The following PCNX4 variants were observed in gnomAD, a reference collection of about 807,000 sequenced individuals.
The protein encoded by PCNX4 is pecanex-like protein 4.
Under a neutral mutation model 107.2 loss-of-function variants are expected in PCNX4, and 103 were observed. That is an observed-to-expected ratio of 0.96 (90% confidence interval 0.82 to 1.13). PCNX4 has a LOEUF of 1.13. Among genes scored for constraint, PCNX4 ranks in the 50% most tolerant of loss-of-function variants. The pLI is 0.00. For synonymous variants in PCNX4, 541 were observed against 481.7 expected, an observed-to-expected ratio of 1.12 and a Z score of -1.61; for missense variants, 1,528 against 1,379.4, an observed-to-expected ratio of 1.11 and a Z score of -1.71.
intron 7 of PCNX4, 41 bp from the exon 8 acceptor site, chr14:60,121,155 G>GTT: frequency 6.9e-7 from 1 of 1,442,096 alleles, no homozygotes; most frequent in Non-Finnish European, 9.2e-7. Flanking sequence ...GTTTGAAAAT[G>GTT]ATTTTCTTTT....
chr14:60,141,333 TAAAC>T lies in PCNX4; in HGVS notation c.*7116_*7119del. ...ATGAAACTGCAAATAGAAAAATACATAAACAAAAAACTGGTTCTTCAAAAAACAA... is the reference window on the plus strand; with the variant it reads ...ATGAAACTGCAAATAGAAAAATACATAAAAAACTGGTTCTTCAAAAAACAA... On this transcript the variant is annotated 3_prime_UTR_variant, in exon 11 of 11. Coordinates refer to ENST00000406854, the MANE Select transcript of PCNX4 (RefSeq NM_001330177.2). The T allele has an allele frequency of 6.6e-6, 1 of 151,746 alleles. No individual in the cohort carries two copies. The highest frequency in any genetic ancestry group is 2.1e-4 in the South Asian group (1 of 4,814). The allele number at this position is 151,746 out of a possible 1,614,324, so 9.4% of individuals were successfully genotyped here.
rs533163146 is a variant in PCNX4 at position 60,146,673 on chromosome 14, G to A, written c.*12452G>A. 7.3e-6 allele frequency: 1 copy of A among 136,640 alleles called. No homozygotes were observed. The highest frequency in any genetic ancestry group is 2.2e-4 in the East Asian group (1 of 4,622). The allele number at this position is 136,640 out of a possible 1,614,324, so 8.5% of individuals were successfully genotyped here. A position where few individuals can be genotyped will look rare whatever the true frequency, so the allele number is the denominator to read the frequency against. On this transcript the variant is annotated 3_prime_UTR_variant, in exon 11 of 11. Transcript: ENST00000406854. The surrounding 1 kb of genome is among the most constrained non-coding windows in gnomAD (Gnocchi z 4.9). Reference sequence around the variant, plus strand: ...GAATGAATGGATAAAGAAAATGTGTGTGTGTGTCTGTGTGTGTATATATAT... The same window carrying A: ...GAATGAATGGATAAAGAAAATGTGTATGTGTGTCTGTGTGTGTATATATAT...
Position 60,115,718 on chromosome 14 carries a change from G to T in PCNX4, c.1358-1G>T, listed in dbSNP as rs78464868. On this transcript the variant is annotated splice_acceptor_variant, in intron 4 of 10. Coordinates refer to ENST00000406854, the MANE Select transcript of PCNX4 (RefSeq NM_001330177.2). LOFTEE classifies it high-confidence loss of function. Reference sequence around the variant, plus strand: ...ATTTCTCTCTTTTTGTTTTGTTTTAGTATCACCTTTTGCCATGATAGCATT... The same window carrying T: ...ATTTCTCTCTTTTTGTTTTGTTTTATTATCACCTTTTGCCATGATAGCATT... 3.1e-5 allele frequency: 50 copies of T among 1,609,202 alleles called. No individual in the cohort carries two copies. In the African/African-American group the frequency reaches 5.6e-4, roughly 18 times the overall value.
At chr14:60,094,587 C>G (rs1286197152) in intron 1 of PCNX4, among the ~76,000 whole-genome samples, 3 of 152,120 alleles carry the variant, frequency 2.0e-5, no homozygotes, top group Non-Finnish European at 2.9e-5. Flanking sequence ...AACAAAGGGC[C>G]AAACCACCTG....
rs778459754 is a variant in PCNX4, at chr14:60,108,169, C to G, written c.531C>G (p.Phe177Leu). The G allele has an allele frequency of 1.1e-5, 18 of 1,612,730 alleles. No individual in the cohort carries two copies. In the East Asian group the frequency reaches 4.0e-4, roughly 36 times the overall value. ...GTACAGGAGGCACTGCTCTACTATT[C>G]TTCTTTGGATGGATGACACTATGTA... ...YGSTGGTALL[F>L]FFGWMTLCIA... Residue 177 changes from phenylalanine (F) to leucine (L), a missense_variant, in exon 2 of 11, where the codon TTC becomes TTG. Coordinates refer to ENST00000406854, the MANE Select transcript of PCNX4 (RefSeq NM_001330177.2).
At chr14:60,097,235 A>G (rs922923891) in intron 1 of PCNX4, among the ~76,000 whole-genome samples, 11 of 152,158 alleles carry the variant, frequency 7.2e-5, no homozygotes, top group African/African-American at 2.4e-4. Context: ...CCTTCACCCC[A>G]TGTCTAGTGA....
rs1360942501 is a variant in PCNX4 at position 60,121,419 on chromosome 14, A to G, written c.2046+120A>G. 3 of 1,040,308 alleles carry G rather than the reference A, an allele frequency of 2.9e-6. No individual in the cohort carries two copies. The African/African-American group carries it at 4.9e-5, about 17-fold the overall frequency. 64.4% of individuals were successfully genotyped at this position (1,040,308 alleles called of 1,614,324 possible). Reference sequence around the variant, plus strand: ...AATATCTTTTCAATTACCTGTGAAAACACCTAGGGATTTTTAAAGTATATT... The same window carrying G: ...AATATCTTTTCAATTACCTGTGAAAGCACCTAGGGATTTTTAAAGTATATT... On this transcript the variant is annotated intron_variant, in intron 8 of 10. Transcript: ENST00000406854.
rs772793804 is a variant in PCNX4, at chr14:60,142,092, G to A, written c.*7871G>A. ...CACATCATTGGTTGCCTGGAATGGG[G>A]TGGGCGAGGGGAAATGATTACAAAA... On this transcript the variant is annotated 3_prime_UTR_variant, in exon 11 of 11. Transcript: ENST00000406854. This position sits in a 1 kb window ranked among gnomAD's most constrained non-coding sequence, Gnocchi z 4.7. The A allele has an allele frequency of 6.6e-6, 1 of 152,266 alleles. No homozygotes were observed. Among genetic ancestry groups the A allele is most frequent in the African/African-American group, 2.4e-5 (1 of 41,554 alleles). The allele number at this position is 152,266 out of a possible 1,614,324, so 9.4% of individuals were successfully genotyped here.
rs1896218877 is a variant in PCNX4, at chr14:60,134,877, A to T, written c.*656A>T. On this transcript the variant is annotated 3_prime_UTR_variant, in exon 11 of 11. Coordinates refer to ENST00000406854, the MANE Select transcript of PCNX4 (RefSeq NM_001330177.2). Reference sequence around the variant, plus strand: ...ATTCATCATGTGAATATTCACAGGAAGAGCAATGTTAGGGTAATCTGCATA... The same window carrying T: ...ATTCATCATGTGAATATTCACAGGATGAGCAATGTTAGGGTAATCTGCATA... 1 of 152,282 alleles carries T rather than the reference A, an allele frequency of 6.6e-6. No individual in the cohort carries two copies. Among genetic ancestry groups the T allele is most frequent in the Non-Finnish European group, 1.5e-5 (1 of 68,068 alleles). The allele number at this position is 152,282 out of a possible 1,614,324, so 9.4% of individuals were successfully genotyped here. A position where few individuals can be genotyped will look rare whatever the true frequency, so the allele number is the denominator to read the frequency against.
At chr14:60,121,459 T>A (rs969536695) in intron 8 of PCNX4, among the ~76,000 whole-genome samples, 160 bp downstream of exon 8, 1 of 152,166 alleles carries the variant, frequency 6.6e-6, no homozygotes, top group African/African-American at 2.4e-5. Flanking sequence ...TAAGCACATG[T>A]TGATAGGTGG....
intron 8 of PCNX4, among the ~76,000 whole-genome samples, chr14:60,122,637 C>T (rs192373316): frequency 2.0e-5 from 3 of 152,220 alleles, no homozygotes; most frequent in African/African-American, 7.2e-5. Context: ...TACCTTCTCA[C>T]AAACTATGTA....
Position 60,116,948 on chromosome 14 carries a change from T to C in PCNX4, c.1578+888T>C, listed in dbSNP as rs553973138. ...GTTTTAAAAGTTAAAAATTTTTAAA[T>C]AGAAAAAAACTTATAGAATAGGGAT... On this transcript the variant is annotated intron_variant, in intron 6 of 10. Coordinates refer to ENST00000406854, the MANE Select transcript of PCNX4 (RefSeq NM_001330177.2). 7.2e-5 allele frequency among the ~76,000 whole-genome samples: 11 copies of C among 152,046 alleles called. 1 individual carries two copies. The highest frequency in any genetic ancestry group is 2.4e-4 in the African/African-American group (10 of 41,506).
At chr14:60,130,056 C>G (rs1459881422) in intron 10 of PCNX4, among the ~76,000 whole-genome samples, 5 of 151,992 alleles carry the variant, frequency 3.3e-5, no homozygotes, top group African/African-American at 7.2e-5. Context: ...CAGAGATTAT[C>G]GGATTGGATT....
In PCNX4 at chr14:60,115,011, A is replaced by G. The variant is rs1895816323; in HGVS notation, c.907A>G (p.Ile303Val). ...GTTCATCATGTCTGCTGGAACAGCTATAGCATCATATTTCATTCCAAGCAC... is the reference window on the plus strand; with the variant it reads ...GTTCATCATGTCTGCTGGAACAGCTGTAGCATCATATTTCATTCCAAGCAC... ...VMFIMSAGTAIASYFIPSTVG... is the reference protein window; with the variant it reads ...VMFIMSAGTAVASYFIPSTVG... Residue 303 changes from isoleucine (I) to valine (V), a missense_variant, in exon 4 of 11, where the codon ATA becomes GTA. Transcript: ENST00000406854. 5 of 1,612,056 alleles carry G rather than the reference A, an allele frequency of 3.1e-6. No individual in the cohort carries two copies. The highest frequency in any genetic ancestry group is 1.3e-5 in the African/African-American group (1 of 74,872).
intron 8 of PCNX4, among the ~76,000 whole-genome samples, chr14:60,122,487 T>A (rs930280216): frequency 1.3e-4 from 20 of 152,040 alleles, no homozygotes; most frequent in Admixed American, 1.3e-3. Context: ...CCTCACCACT[T>A]TCAGGTCTTT....
intron 2 of PCNX4, among the ~76,000 whole-genome samples, chr14:60,114,469 A>G (rs557423399): frequency 2.0e-5 from 3 of 152,156 alleles, no homozygotes; most frequent in Non-Finnish European, 2.9e-5. Flanking sequence ...TATTCTCTAA[A>G]TGCTAAGCTT....
intron 2 of PCNX4, 56 bp downstream of exon 2, chr14:60,108,383 G>C: frequency 7.6e-7 from 1 of 1,317,782 alleles, no homozygotes; most frequent in Non-Finnish European, 1.0e-6. Context: ...TACAGAGTAA[G>C]AGAGCTTTCC....
chr14:60,121,652 C>T (rs919157988), intron 8 of PCNX4, among the ~76,000 whole-genome samples: 6 of 152,106 alleles, frequency 3.9e-5, no homozygotes, highest in Admixed American at 2.0e-4. Flanking sequence ...AATCCTACTG[C>T]CCCTACCTGC....
intron 8 of PCNX4, among the ~76,000 whole-genome samples, chr14:60,123,246 T>C (rs1470783355): frequency 6.6e-6 from 1 of 152,176 alleles, no homozygotes; most frequent in African/African-American, 2.4e-5. Flanking sequence ...GGTGTTACTC[T>C]TTTTTTCTGT....
Sources: allele counts gnomAD v4.1 joint callset (sites outside exome capture counted in the v4.1 genomes callset), GRCh38; gene constraint gnomAD v4.1.1; non-coding constraint Gnocchi (gnomAD v3.1); transcripts MANE v1.5; gene names NCBI Gene and HGNC (gene_info 2026-07-23, HGNC 2026-07-21).